RPH3AL: variants seen among roughly 807,000 people sequenced by gnomAD.
RPH3AL encodes rabphilin 3A like (without C2 domains).
In RPH3AL, 38 loss-of-function variants were observed where a neutral mutation model predicts 43.1. That is an observed-to-expected ratio of 0.88 (90% CI 0.68 to 1.15). The LOEUF is 1.15. RPH3AL is among the 50% of genes most tolerant of loss of function. The pLI is 0.00. For synonymous variants in RPH3AL, 189 were observed against 176.3 expected (o/e 1.07, Z -0.57); for missense variants, 462 against 423.2 (o/e 1.09, Z -0.81).
rs879796160 is a variant in RPH3AL at position 221,850 on chromosome 17, A to G, written c.614-2114T>C. 1.3e-3 allele frequency among the ~76,000 whole-genome samples: 125 copies of G among 97,180 alleles called. 1 individual carries two copies. The highest frequency in any genetic ancestry group is 5.1e-3 in the African/African-American group (122 of 24,058). The allele number at this position is 97,180 out of a possible 152,430, so 63.8% of individuals were successfully genotyped here. A position where few individuals can be genotyped will look rare whatever the true frequency, so the allele number is the denominator to read the frequency against. ...CACTGAGACAACAGACCCAAGAACA[A>G]CAGCTCTGAGGCCTCCACTCACTGA... On this transcript the variant is annotated intron_variant, in intron 7 of 9. Transcript: ENST00000331302.
rs113861298 is a variant in RPH3AL at position 235,870 on chromosome 17, G to A, written c.613+11241C>T. ...AGGTCCCGGGTTCAAAGCTGGGGTC[G>A]GCCGAGGCTCTGCAGTAACAAGAGG... On this transcript the variant is annotated intron_variant, in intron 7 of 9. Coordinates refer to ENST00000331302, the MANE Select transcript of RPH3AL (RefSeq NM_006987.4). Among the ~76,000 whole-genome samples the A allele has an allele frequency of 2.1e-5, 3 of 142,742 alleles. No homozygotes were observed. The East Asian group carries it at 6.2e-4, about 30-fold the overall frequency. The allele number at this position is 142,742 out of a possible 152,430, so 93.6% of individuals were successfully genotyped here. A position where few individuals can be genotyped will look rare whatever the true frequency, so the allele number is the denominator to read the frequency against.
intron 5 of RPH3AL, among the ~76,000 whole-genome samples, chr17:307,268 C>CGT (rs1193285921): frequency 3.5e-4 from 36 of 103,932 alleles, no homozygotes; most frequent in African/African-American, 1.5e-3. Context: ...GTCCATCCCA[C>CGT]GGCAGGTCCA....
chr17:245,141 GTGGATGTGTGTGTGCACA>G lies in RPH3AL; in HGVS notation c.613+1952_613+1969del, dbSNP rs1357467539. Reference sequence around the variant, plus strand: ...TGTGTGTGTGGATGTGTGTGTCCATGTGGATGTGTGTGTGCACATGGATGTGTCTGTGTGTACGTGGAT... The same window carrying G: ...TGTGTGTGTGGATGTGTGTGTCCATGTGGATGTGTCTGTGTGTACGTGGAT... On this transcript the variant is annotated intron_variant, in intron 7 of 9. Coordinates refer to ENST00000331302, the MANE Select transcript of RPH3AL (RefSeq NM_006987.4). This position sits in a 1 kb window ranked among gnomAD's most constrained non-coding sequence, Gnocchi z 5.9. Among the ~76,000 whole-genome samples the G allele has an allele frequency of 6.6e-6, 1 of 151,810 alleles. No homozygotes were observed. Among genetic ancestry groups the G allele is most frequent in the Non-Finnish European group, 1.5e-5 (1 of 67,954 alleles).
chr17:251,285 C>T (rs1002098476), intron 6 of RPH3AL, among the ~76,000 whole-genome samples: 7 of 152,172 alleles, frequency 4.6e-5, no homozygotes, highest in East Asian at 1.9e-4. Context: ...TCCTACAACA[C>T]GTATTTATTT....
rs1429298477 is a variant in RPH3AL at position 328,761 on chromosome 17, A to AT, written c.-36-1183dup. On this transcript the variant is annotated intron_variant, in intron 2 of 9. Coordinates refer to ENST00000331302, the MANE Select transcript of RPH3AL (RefSeq NM_006987.4). The surrounding 1 kb of genome is among the most constrained non-coding windows in gnomAD (Gnocchi z 4.2). Reference sequence around the variant, plus strand: ...TTATTATTTACAATGGATTATTATTATTTACAATGGAGTATGATTTACAAT... The same window carrying AT: ...TTATTATTTACAATGGATTATTATTATTTTACAATGGAGTATGATTTACAAT... 6.6e-6 allele frequency among the ~76,000 whole-genome samples: 1 copy of AT among 152,232 alleles called. No homozygotes were observed. The highest frequency in any genetic ancestry group is 1.5e-5 in the Non-Finnish European group (1 of 68,042).
chr17:317,008 A>T (rs1473704652), intron 5 of RPH3AL, among the ~76,000 whole-genome samples: 1 of 130,678 alleles, frequency 7.7e-6, no homozygotes, highest in Non-Finnish European at 1.6e-5. Flanking sequence ...ACCTCCATTG[A>T]CCTGTAGTCT....
chr17:291,114 G>C (rs756152989), intron 5 of RPH3AL, among the ~76,000 whole-genome samples: 1 of 152,216 alleles, frequency 6.6e-6, no homozygotes, highest in Admixed American at 6.5e-5. Flanking sequence ...TGGTTTAAAC[G>C]TGTGGAGCTT....
Position 327,593 on chromosome 17 carries a change from G to C in RPH3AL, c.-36-14C>G, listed in dbSNP as rs2044648862. On this transcript the variant is annotated splice_polypyrimidine_tract_variant and intron_variant, in intron 2 of 9. Coordinates refer to ENST00000331302, the MANE Select transcript of RPH3AL (RefSeq NM_006987.4). ...GGGGAGTCACATCTGAGATGAAGGA[G>C]GGAAGACGAAAGAGTGTGCATCATT... 3.2e-6 allele frequency: 5 copies of C among 1,563,698 alleles called. No individual in the cohort carries two copies. In the East Asian group the frequency reaches 9.0e-5, roughly 28 times the overall value.
rs905417853 is a variant in RPH3AL, at chr17:264,511, G to A, written c.439-17226C>T. 6.6e-6 allele frequency among the ~76,000 whole-genome samples: 1 copy of A among 151,918 alleles called. No individual in the cohort carries two copies. Among genetic ancestry groups the A allele is most frequent in the South Asian group, 2.1e-4 (1 of 4,800 alleles). The stretch of plus-strand genomic sequence containing the variant: ...CAGAATCCGCAGCATGTTGACAGCA[G>A]GATTACCCTTCGGAGCCGTGCGCGC... On this transcript the variant is annotated intron_variant, in intron 6 of 9. Transcript: ENST00000331302. This position sits in a 1 kb window ranked among gnomAD's most constrained non-coding sequence, Gnocchi z 4.8.
chr17:308,272 C>T (rs919215472), intron 5 of RPH3AL, among the ~76,000 whole-genome samples: 2 of 152,280 alleles, frequency 1.3e-5, no homozygotes, highest in African/African-American at 2.4e-5. Context: ...GGGACAGGGC[C>T]GTGGAGGACT....
At position 219,663 on chromosome 17, in the gene RPH3AL, C is replaced by T; in HGVS notation, c.687G>A (p.Gly229=). 6.2e-7 allele frequency: 1 copy of T among 1,613,554 alleles called. No homozygotes were observed. Among genetic ancestry groups the T allele is most frequent in the Non-Finnish European group, 8.5e-7 (1 of 1,179,856 alleles). Residue 229 remains glycine (G), a synonymous_variant, in exon 8 of 10, where the codon GGG becomes GGA. Coordinates refer to ENST00000331302, the MANE Select transcript of RPH3AL (RefSeq NM_006987.4). Reference sequence around the variant, plus strand: ...GTTTGTCGCCTTTCCGGTCCCTGACCCCAGTGGATGGGAGTCTGTCCTCTA... The same window carrying T: ...GTTTGTCGCCTTTCCGGTCCCTGACTCCAGTGGATGGGAGTCTGTCCTCTA... ...SSLEDRLPST[G]VRDRKGDKPW...
At chr17:291,775 C>T (rs944962533) in intron 5 of RPH3AL, among the ~76,000 whole-genome samples, 1 of 152,086 alleles carries the variant, frequency 6.6e-6, no homozygotes, top group Non-Finnish European at 1.5e-5. Flanking sequence ...CAATATTCAC[C>T]ATAAGCTGTT....
At chr17:316,287 GTC>G (rs2044175044) in intron 5 of RPH3AL, among the ~76,000 whole-genome samples, 2 of 102,916 alleles carry the variant, frequency 1.9e-5, no homozygotes, top group African/African-American at 3.6e-5. Flanking sequence ...GTGATGCGTA[GTC>G]TCTGTGCTCC....
At chr17:305,964 A>G (rs2043476080) in intron 5 of RPH3AL, among the ~76,000 whole-genome samples, 1 of 150,784 alleles carries the variant, frequency 6.6e-6, no homozygotes, top group Non-Finnish European at 1.5e-5. Flanking sequence ...GGCTCAAGCA[A>G]TCCTCAGCCT....
rs1373865148 is a variant in RPH3AL at position 344,109 on chromosome 17, C to T, written c.-213+8603G>A. 2.3e-5 allele frequency among the ~76,000 whole-genome samples: 3 copies of T among 131,754 alleles called. 1 individual carries two copies. The highest frequency in any genetic ancestry group is 5.1e-5 in the Non-Finnish European group (3 of 58,298). The allele number at this position is 131,754 out of a possible 152,430, so 86.4% of individuals were successfully genotyped here. Reference sequence around the variant, plus strand: ...ACCATCATTGTCACCATCATATTCACCTCCAGTCATCATCACCATCAGACA... The same window carrying T: ...ACCATCATTGTCACCATCATATTCATCTCCAGTCATCATCACCATCAGACA... On this transcript the variant is annotated intron_variant, in intron 1 of 9. Transcript: ENST00000331302.
intron 6 of RPH3AL, among the ~76,000 whole-genome samples, chr17:259,764 C>T (rs2042156647): frequency 6.6e-6 from 1 of 152,244 alleles, no homozygotes; most frequent in Non-Finnish European, 1.5e-5. Flanking sequence ...CGCTGCTCGC[C>T]CTGCTCTGTG....
rs867171584 is a variant in RPH3AL at position 289,988 on chromosome 17, C to T, written c.352-8134G>A. ...TTCCCCTGCTGGGCCGTCATCTTCC[C>T]AAGGGCAGAGGCCACGTCTATTTCT... On this transcript the variant is annotated intron_variant, in intron 5 of 9. Coordinates refer to ENST00000331302, the MANE Select transcript of RPH3AL (RefSeq NM_006987.4). The surrounding 1 kb of genome is among the most constrained non-coding windows in gnomAD (Gnocchi z 5.2). Among the ~76,000 whole-genome samples the T allele has an allele frequency of 2.6e-4, 40 of 152,222 alleles. No homozygotes were observed. Among genetic ancestry groups the T allele is most frequent in the African/African-American group, 9.4e-4 (39 of 41,446 alleles).
chr17:350,755 A>C (rs72806085), intron 1 of RPH3AL, among the ~76,000 whole-genome samples: 3,125 of 152,322 alleles, frequency 0.021, 36 homozygotes, highest in Non-Finnish European at 0.03. Flanking sequence ...TGGGAATTAA[A>C]AAAACTGTGA....
chr17:318,536 T>C (rs2044366803), intron 5 of RPH3AL, among the ~76,000 whole-genome samples: 1 of 151,984 alleles, frequency 6.6e-6, no homozygotes, highest in Non-Finnish European at 1.5e-5. Flanking sequence ...TTATAATAGC[T>C]GTGCAGCTAC....
Sources: gnomAD v4.1 joint callset for allele counts (sites outside exome capture counted in the v4.1 genomes callset) on GRCh38, gnomAD v4.1.1 for gene constraint, Gnocchi (gnomAD v3.1) non-coding constraint, MANE v1.5 for transcripts, NCBI Gene and HGNC (gene_info 2026-07-23, HGNC 2026-07-21) for gene names.